The following NAP1L1 variants were observed in gnomAD, a reference collection of about 807,000 sequenced individuals.
The protein encoded by NAP1L1 is nucleosome assembly protein 1 like 1.
In NAP1L1, 9 loss-of-function variants were observed where a neutral mutation model predicts 58.9. The observed-to-expected ratio is 0.15, with a 90% CI of 0.09 to 0.27. NAP1L1 has a LOEUF of 0.27. NAP1L1 is among the 10% of genes least tolerant of loss of function. NAP1L1 has a pLI of 1.00. For missense variants in NAP1L1, 302 were observed against 458.8 expected (o/e 0.66, Z 3.12); for synonymous variants, 130 against 138.3 (o/e 0.94, Z 0.42).
intron 4 of NAP1L1, among the ~76,000 whole-genome samples, chr12:76,063,972 G>A (rs1317606480): frequency 6.7e-6 from 1 of 150,140 alleles, no homozygotes; most frequent in Non-Finnish European, 1.5e-5. Flanking sequence ...CCAACAGTTC[G>A]AGACCAGTCT....
intron 5 of NAP1L1, 127 bp from the exon 6 acceptor site, chr12:76,060,005 T>C (rs1949331421): frequency 1.8e-5 from 21 of 1,180,592 alleles, no homozygotes; most frequent in Non-Finnish European, 2.2e-5. Flanking sequence ...CTATTATTGA[T>C]AGTTCCTCCA....
intron 1 of NAP1L1, among the ~76,000 whole-genome samples, chr12:76,078,896 A>G (rs537826846): frequency 2.0e-5 from 3 of 152,244 alleles, no homozygotes; most frequent in African/African-American, 7.2e-5. Context: ...TTAATACGCA[A>G]TAATTTTCCA....
Position 76,050,524 on chromosome 12 carries a change from C to T in NAP1L1, c.1059+7G>A, listed in dbSNP as rs761000805. ...ATTATTTCTTTGCAGGATTCAAATT[C>T]GCTTACATCATCATCATCATCTTCA... On this transcript the variant is annotated splice_region_variant and intron_variant, in intron 12 of 14. Coordinates refer to ENST00000618691, the MANE Select transcript of NAP1L1 (RefSeq NM_004537.7). 22 of 1,599,650 alleles carry T rather than the reference C, an allele frequency of 1.4e-5. No homozygotes were observed. The highest frequency in any genetic ancestry group is 1.1e-4 in the African/African-American group (8 of 74,094).
intron 2 of NAP1L1, among the ~76,000 whole-genome samples, chr12:76,070,470 C>T (rs1480782643): frequency 6.6e-6 from 1 of 152,178 alleles, no homozygotes; most frequent in African/African-American, 2.4e-5. Context: ...ACACACTTAA[C>T]GGTCACTGGT....
chr12:76,055,103 AAAAT>A lies in NAP1L1; in HGVS notation c.559-17_559-14del, dbSNP rs1949020048. The A allele has an allele frequency of 1.9e-6, 3 of 1,553,098 alleles. No homozygotes were observed. Among genetic ancestry groups the A allele is most frequent in the Non-Finnish European group, 2.6e-6 (3 of 1,141,272 alleles). On this transcript the variant is annotated splice_polypyrimidine_tract_variant and intron_variant, in intron 7 of 14. Transcript: ENST00000618691. ...GTTCATCGTGTTCCTTCAAATTAAA[AAAAT>A]AATAAAAATGAATAACATGGCATTC...
At chr12:76,083,191 G>A (rs2137128732) in intron 1 of NAP1L1, among the ~76,000 whole-genome samples, 1 of 152,126 alleles carries the variant, frequency 6.6e-6, no homozygotes, top group Non-Finnish European at 1.5e-5. Flanking sequence ...TCATTGACAA[G>A]GTTGCAGGCT....
chr12:76,073,219 T>C (rs1950038968), intron 2 of NAP1L1, among the ~76,000 whole-genome samples: 1 of 152,178 alleles, frequency 6.6e-6, no homozygotes, highest in South Asian at 2.1e-4. Context: ...TGTACTTCTA[T>C]GTGTTGATCT....
chr12:76,084,226 A>C (rs1402919685), intron 1 of NAP1L1: 1 of 152,256 alleles, frequency 6.6e-6, no homozygotes, highest in East Asian at 1.9e-4. Flanking sequence ...CTCGCGGCGC[A>C]GCCGAGTCTC....
At chr12:76,081,321 G>A (rs944918850) in intron 1 of NAP1L1, among the ~76,000 whole-genome samples, 2 of 152,030 alleles carry the variant, frequency 1.3e-5, no homozygotes, top group East Asian at 3.9e-4. Flanking sequence ...TAAATTAAAT[G>A]AGCTAATAAT....
chr12:76,047,247 C>G lies in NAP1L1; in HGVS notation c.*1182G>C, dbSNP rs1164623495. On this transcript the variant is annotated 3_prime_UTR_variant, in exon 15 of 15. Transcript: ENST00000618691. ...GAGGTAGTTAGGTAAACAGTACTAC[C>G]CATTTTAATTACACAGTAAACAGAA... 2.0e-5 allele frequency: 3 copies of G among 152,348 alleles called. No individual in the cohort carries two copies. The highest frequency in any genetic ancestry group is 2.9e-5 in the Non-Finnish European group (2 of 67,906). The allele number at this position is 152,348 out of a possible 1,614,324, so 9.4% of individuals were successfully genotyped here. A position where few individuals can be genotyped will look rare whatever the true frequency, so the allele number is the denominator to read the frequency against.
intron 1 of NAP1L1, among the ~76,000 whole-genome samples, chr12:76,074,846 A>G (rs572492334): frequency 6.6e-6 from 1 of 152,162 alleles, no homozygotes; most frequent in Admixed American, 6.5e-5. Flanking sequence ...AGCCTTCCCT[A>G]TCTCTCCAAA....
chr12:76,063,470 T>C (rs913557538), intron 4 of NAP1L1, among the ~76,000 whole-genome samples: 4 of 152,076 alleles, frequency 2.6e-5, no homozygotes, highest in Non-Finnish European at 4.4e-5. Context: ...CCAAAAACAA[T>C]ACAACTTCTA....
Position 76,037,604 on chromosome 12 carries a change from G to GGA in NAP1L1, c.*10824_*10825insTC, listed in dbSNP as rs1372203038. The GGA allele has an allele frequency of 6.6e-6, 1 of 152,188 alleles. No homozygotes were observed. Among genetic ancestry groups the GGA allele is most frequent in the Admixed American group, 6.5e-5 (1 of 15,276 alleles). The allele number at this position is 152,188 out of a possible 1,614,324, so 9.4% of individuals were successfully genotyped here. A position where few individuals can be genotyped will look rare whatever the true frequency, so the allele number is the denominator to read the frequency against. ...TTGCATGACAAGCCCTCCACAGAAT[G>GGA]GGTCCTACTTATTTTGACTCGTTCC... On this transcript the variant is annotated 3_prime_UTR_variant, in exon 15 of 15. Coordinates refer to ENST00000618691, the MANE Select transcript of NAP1L1 (RefSeq NM_004537.7).
At chr12:76,066,843 T>G (rs1949699871) in intron 4 of NAP1L1, among the ~76,000 whole-genome samples, 1 of 152,094 alleles carries the variant, frequency 6.6e-6, no homozygotes, top group Non-Finnish European at 1.5e-5. Flanking sequence ...TGTACAAAGA[T>G]GTCTATAACA....
intron 2 of NAP1L1, among the ~76,000 whole-genome samples, chr12:76,073,246 G>A (rs1449546034): frequency 6.6e-6 from 1 of 151,558 alleles, no homozygotes; most frequent in Non-Finnish European, 1.5e-5. Flanking sequence ...GAAGTTTCCA[G>A]CCCTCCCACT....
chr12:76,065,031 A>T (rs1361712792), intron 4 of NAP1L1, among the ~76,000 whole-genome samples: 1 of 152,212 alleles, frequency 6.6e-6, no homozygotes, highest in East Asian at 1.9e-4. Flanking sequence ...ACATACATAC[A>T]TGCATGCACA....
intron 1 of NAP1L1, among the ~76,000 whole-genome samples, chr12:76,081,265 C>A (rs1358296882): frequency 6.6e-6 from 1 of 152,278 alleles, no homozygotes; most frequent in Admixed American, 6.5e-5. Context: ...CCACTCCACA[C>A]CTATTTTTTT....
At chr12:76,069,506 C>T (rs1359008902) in intron 2 of NAP1L1, among the ~76,000 whole-genome samples, 2 of 152,188 alleles carry the variant, frequency 1.3e-5, no homozygotes, top group African/African-American at 2.4e-5. Context: ...CTCTCCCCCT[C>T]CCACTTAGAA....
At chr12:76,066,875 A>T (rs1949701152) in intron 4 of NAP1L1, among the ~76,000 whole-genome samples, 1 of 152,156 alleles carries the variant, frequency 6.6e-6, no homozygotes, top group South Asian at 2.1e-4. Context: ...GTTGATAAAT[A>T]AGTCCATCAT....
Sources: gnomAD v4.1 joint callset for allele counts (sites outside exome capture counted in the v4.1 genomes callset) on GRCh38, gnomAD v4.1.1 for gene constraint, MANE v1.5 for transcripts, NCBI Gene and HGNC (gene_info 2026-07-23, HGNC 2026-07-21) for gene names.